The following ASPG variants were observed in gnomAD, a reference collection of about 807,000 sequenced individuals.
ASPG encodes 60 kDa lysophospholipase.
In ASPG, 53 loss-of-function variants were observed where a neutral mutation model predicts 63.2. The observed-to-expected ratio is 0.84, with a 90% CI of 0.67 to 1.05. The LOEUF is 1.05. ASPG is among the 50% of genes least tolerant of loss of function. The probability of loss-of-function intolerance (pLI) is 0.00; values close to 1 mark genes in which losing one functional copy is unlikely to be tolerated. For synonymous variants in ASPG, 370 were observed against 355.0 expected (o/e 1.04, Z -0.48); for missense variants, 741 against 794.4 (o/e 0.93, Z 0.81).
chr14:104,101,822 C>T (rs1037853185), intron 6 of ASPG, among the ~76,000 whole-genome samples: 3 of 152,248 alleles, frequency 2.0e-5, no homozygotes, highest in Non-Finnish European at 4.4e-5. Flanking sequence ...CCGCAGACTA[C>T]ACCCTTCGGC....
chr14:104,096,135 C>T (rs996435832), intron 4 of ASPG, among the ~76,000 whole-genome samples: 2 of 152,208 alleles, frequency 1.3e-5, no homozygotes, highest in African/African-American at 2.4e-5. Flanking sequence ...ATTTCCCTGC[C>T]TCTCTCACCC....
chr14:104,089,006 G>A (rs1242889113), intron 1 of ASPG, among the ~76,000 whole-genome samples: 5 of 152,058 alleles, frequency 3.3e-5, no homozygotes, highest in Non-Finnish European at 7.4e-5. Context: ...GAAAGCCGGT[G>A]TTTGTTTATT....
Position 104,092,705 on chromosome 14 carries a change from G to T in ASPG, c.155G>T (p.Arg52Leu). 1 of 1,537,390 alleles carries T rather than the reference G, an allele frequency of 6.5e-7. No individual in the cohort carries two copies. Among genetic ancestry groups the T allele is most frequent in the South Asian group, 1.2e-5 (1 of 84,016 alleles). Residue 52 changes from arginine (R) to leucine (L), a missense_variant, in exon 2 of 16, where the codon CGA becomes CTA. By Grantham distance (102) the Arg-to-Leu change is moderately radical. Coordinates refer to ENST00000551177, the MANE Select transcript of ASPG (RefSeq NM_001080464.3). ...LPMFHDEEHA[R>L]ARGLSEDTLV... ...ATGTTCCATGACGAGGAGCACGCCC[G>T]AGCCCGCGGCCTCTCTGAGGACACC...
intron 1 of ASPG, among the ~76,000 whole-genome samples, chr14:104,087,299 A>T (rs1019024971): frequency 6.6e-6 from 1 of 152,264 alleles, no homozygotes; most frequent in Non-Finnish European, 1.5e-5. Flanking sequence ...CCACTGACAC[A>T]GAGTGACACA....
At chr14:104,086,166 G>A (rs1237187943) in intron 1 of ASPG, among the ~76,000 whole-genome samples, 1 of 152,190 alleles carries the variant, frequency 6.6e-6, no homozygotes, top group Non-Finnish European at 1.5e-5. Context: ...AATATGGGGC[G>A]GGAGGGCCCC....
chr14:104,106,316 C>T (rs534931597), intron 10 of ASPG, among the ~76,000 whole-genome samples: 6 of 152,218 alleles, frequency 3.9e-5, no homozygotes, highest in African/African-American at 4.8e-5. Flanking sequence ...CTGCCAGGAC[C>T]GCGGCCTTTT....
intron 14 of ASPG, 151 bp from the exon 15 acceptor site, chr14:104,111,769 C>A: frequency 2.1e-6 from 2 of 961,222 alleles, no homozygotes; most frequent in Non-Finnish European, 1.5e-6. Context: ...TCCCGGGGCT[C>A]TGAGTGGTGG....
At chr14:104,105,488 G>A (rs1051079702) in intron 10 of ASPG, 38 bp downstream of exon 10, 9 of 1,516,084 alleles carry the variant, frequency 5.9e-6, no homozygotes, top group Non-Finnish European at 8.0e-6. Flanking sequence ...GGCAGCTGGG[G>A]ACTGTGCACC....
chr14:104,088,736 C>T (rs969492845), intron 1 of ASPG, among the ~76,000 whole-genome samples: 2 of 152,172 alleles, frequency 1.3e-5, no homozygotes, highest in East Asian at 1.9e-4. Context: ...GGGTGCTACA[C>T]GTTCACAAGT....
chr14:104,086,274 C>T (rs1447445024), intron 1 of ASPG, among the ~76,000 whole-genome samples: 6 of 152,160 alleles, frequency 3.9e-5, no homozygotes, highest in Non-Finnish European at 8.8e-5. Context: ...AACTGCGACA[C>T]CCAGGAGGGT....
At position 104,110,595 on chromosome 14, in the gene ASPG, G is replaced by A. The variant is rs2037343858; in HGVS notation, c.1521-907G>A. 8.1e-6 allele frequency: 8 copies of A among 985,176 alleles called. No homozygotes were observed. In the South Asian group the frequency reaches 2.8e-4, roughly 35 times the overall value. 61.0% of individuals were successfully genotyped at this position (985,176 alleles called of 1,614,324 possible). On this transcript the variant is annotated intron_variant, in intron 13 of 15. Coordinates refer to ENST00000551177, the MANE Select transcript of ASPG (RefSeq NM_001080464.3). The surrounding 1 kb of genome is among the most constrained non-coding windows in gnomAD (Gnocchi z 4.7). ...GTGTGTGTGTGGGGCTTGGCCTCTTGGAGCAGGTCCAGGAGGGGCCAGTGA... is the reference window on the plus strand; with the variant it reads ...GTGTGTGTGTGGGGCTTGGCCTCTTAGAGCAGGTCCAGGAGGGGCCAGTGA...
At chr14:104,103,264 C>T (rs1468469025) in intron 6 of ASPG, among the ~76,000 whole-genome samples, 2 of 152,260 alleles carry the variant, frequency 1.3e-5, no homozygotes, top group Admixed American at 6.5e-5. Flanking sequence ...GCGGAGTTTC[C>T]CTGGGCTTCA....
At position 104,085,778 on chromosome 14, in the gene ASPG, G is replaced by T. The variant is rs2036204962; in HGVS notation, c.8G>T (p.Arg3Leu). 6.3e-6 allele frequency: 10 copies of T among 1,582,168 alleles called. No individual in the cohort carries two copies. The highest frequency in any genetic ancestry group is 6.0e-6 in the Non-Finnish European group (7 of 1,171,696). The change falls in exon 1 of 16, where the codon CGC becomes CTC. Residue 3 changes from arginine (R) to leucine (L), a missense_variant. Transcript: ENST00000551177. MA[R>L]AVGPERRLLA... ...CGTGGTCCCCGGTCCGGCATGGCGCGCGCGGTGGGGCCCGAGCGGAGGCTG... is the reference window on the plus strand; with the variant it reads ...CGTGGTCCCCGGTCCGGCATGGCGCTCGCGGTGGGGCCCGAGCGGAGGCTG...
chr14:104,102,268 C>T (rs1012991229), intron 6 of ASPG, among the ~76,000 whole-genome samples: 3 of 152,136 alleles, frequency 2.0e-5, no homozygotes, highest in African/African-American at 4.8e-5. Flanking sequence ...CTGCTGGGGG[C>T]TCCGCTCCCC....
chr14:104,086,243 A>G (rs1381486979), intron 1 of ASPG, among the ~76,000 whole-genome samples: 1 of 152,108 alleles, frequency 6.6e-6, no homozygotes, highest in African/African-American at 2.4e-5. Flanking sequence ...GAGAAGGCTT[A>G]GGAGGCTGCG....
intron 14 of ASPG, 89 bp downstream of exon 14, chr14:104,111,690 C>T: frequency 9.0e-7 from 1 of 1,113,124 alleles, no homozygotes; most frequent in Non-Finnish European, 1.3e-6. Context: ...TGCTCTGCCC[C>T]TCCCCGCTCT....
chr14:104,098,190 G>GCGTATGGAGGTTTTACGTTAGAGATA (rs1566830660), intron 5 of ASPG, among the ~76,000 whole-genome samples: 1 of 133,810 alleles, frequency 7.5e-6, no homozygotes, highest in Admixed American at 7.5e-5. Flanking sequence ...CGTTAGAGAT[G>GCGTATGGAGGTTTTACGTTAGAGATA]CGTATGGAGG....
In ASPG at chr14:104,113,507, T is replaced by G. The variant is rs775672757; in HGVS notation, c.*963T>G. The G allele has an allele frequency of 6.6e-6, 1 of 152,556 alleles. No homozygotes were observed. Among genetic ancestry groups the G allele is most frequent in the Non-Finnish European group, 1.5e-5 (1 of 68,394 alleles). The allele number at this position is 152,556 out of a possible 1,614,324, so 9.5% of individuals were successfully genotyped here. On this transcript the variant is annotated 3_prime_UTR_variant, in exon 16 of 16. Coordinates refer to ENST00000551177, the MANE Select transcript of ASPG (RefSeq NM_001080464.3). ...CCTGGGATGGCCAGGGACTCCCTGC[T>G]GCTGCCCCCAGCCCCTGACCCCTTC...
chr14:104,095,297 T>C (rs1255176691), intron 3 of ASPG, among the ~76,000 whole-genome samples: 1 of 152,152 alleles, frequency 6.6e-6, no homozygotes, highest in Non-Finnish European at 1.5e-5. Context: ...GAGGGGAGCC[T>C]CAGCGTGGTG....
Sources: gnomAD v4.1 joint callset for allele counts (sites outside exome capture counted in the v4.1 genomes callset) on GRCh38, gnomAD v4.1.1 for gene constraint, Gnocchi (gnomAD v3.1) non-coding constraint, MANE v1.5 for transcripts, NCBI Gene and HGNC (gene_info 2026-07-23, HGNC 2026-07-21) for gene names.